The following SAMMSON variants were observed in gnomAD, a reference collection of about 807,000 sequenced individuals.
SAMMSON encodes the protein survival associated mitochondrial melanoma specific oncogenic non-coding RNA.
intron 4 of SAMMSON, among the ~76,000 whole-genome samples, chr3:70,116,362 T>G (rs1169852812): frequency 6.6e-6 from 1 of 151,526 alleles, no homozygotes; most frequent in African/African-American, 2.4e-5. Flanking sequence ...TTTATTTTGA[T>G]TTAAAATATT....
At chr3:70,169,373 T>C (rs2067652198) in intron 4 of SAMMSON, among the ~76,000 whole-genome samples, 1 of 152,068 alleles carries the variant, frequency 6.6e-6, no homozygotes, top group South Asian at 2.1e-4. Flanking sequence ...GGAGAATTTG[T>C]GGCTTACACT....
intron 2 of SAMMSON, among the ~76,000 whole-genome samples, chr3:70,418,277 T>C (rs1486888247): frequency 6.6e-6 from 1 of 152,210 alleles, no homozygotes; most frequent in African/African-American, 2.4e-5. Flanking sequence ...AAAAACTTAA[T>C]CTAGAAAACT....
chr3:70,194,800 C>T (rs1278201628), intron 4 of SAMMSON, among the ~76,000 whole-genome samples: 1 of 152,080 alleles, frequency 6.6e-6, no homozygotes, highest in Non-Finnish European at 1.5e-5. Flanking sequence ...ATGGCATGGC[C>T]TCACCAATGA....
At chr3:70,329,945 G>A (rs1702609004) in intron 7 of SAMMSON, among the ~76,000 whole-genome samples, 1 of 151,774 alleles carries the variant, frequency 6.6e-6, no homozygotes, top group Non-Finnish European at 1.5e-5. Context: ...TATTGGTATG[G>A]TAGAATTTGA....
At chr3:70,295,176 GAT>G (rs1702277614) in intron 7 of SAMMSON, among the ~76,000 whole-genome samples, 1 of 152,164 alleles carries the variant, frequency 6.6e-6, no homozygotes, top group South Asian at 2.1e-4. Flanking sequence ...ACTGCCCTGA[GAT>G]GTGTGGATTC....
Position 70,266,878 on chromosome 3 carries a change from G to A in SAMMSON, n.674+17208G>A, listed in dbSNP as rs943473030. Among the ~76,000 whole-genome samples, 7 of 152,294 alleles carry A rather than the reference G, an allele frequency of 4.6e-5. No individual in the cohort carries two copies. The South Asian group carries it at 8.3e-4, about 18-fold the overall frequency. On this transcript the variant is annotated intron_variant and non_coding_transcript_variant, in intron 6 of 9. Transcript: ENST00000642114. The stretch of plus-strand genomic sequence containing the variant: ...TTAAGGGAGAAGTTTGGAATCATTC[G>A]TCTGACACATCCACTGCCTGCCACA...
At chr3:70,175,331 G>C (rs995503857) in intron 4 of SAMMSON, among the ~76,000 whole-genome samples, 1 of 151,898 alleles carries the variant, frequency 6.6e-6, no homozygotes, top group African/African-American at 2.4e-5. Context: ...AGTCTGATTG[G>C]GTCAGTTTAG....
At chr3:70,112,861 CTT>C (rs544544082) in intron 4 of SAMMSON, among the ~76,000 whole-genome samples, 46 of 152,218 alleles carry the variant, frequency 3.0e-4, no homozygotes, top group Middle Eastern at 3.4e-3. Flanking sequence ...CTTTTTATCT[CTT>C]GAGAACCCAG....
At chr3:70,180,430 C>T (rs892377267) in intron 4 of SAMMSON, among the ~76,000 whole-genome samples, 4 of 151,890 alleles carry the variant, frequency 2.6e-5, no homozygotes, top group African/African-American at 7.3e-5. Flanking sequence ...ATATATTACA[C>T]GTATGTTGCA....
chr3:70,152,198 AC>A (rs1036675798), intron 4 of SAMMSON, among the ~76,000 whole-genome samples: 3 of 151,680 alleles, frequency 2.0e-5, no homozygotes, highest in African/African-American at 7.3e-5. Flanking sequence ...TTGAAATTGA[AC>A]ACTTGATTTG....
chr3:70,084,978 A>T (rs1298625716), intron 4 of SAMMSON: 1 of 152,224 alleles, frequency 6.6e-6, no homozygotes, highest in African/African-American at 2.4e-5. Flanking sequence ...TGGAAACAAG[A>T]TGTCTTACCT....
intron 7 of SAMMSON, among the ~76,000 whole-genome samples, chr3:70,321,865 C>A (rs1431399637): frequency 6.6e-6 from 1 of 151,886 alleles, no homozygotes; most frequent in African/African-American, 2.4e-5. Flanking sequence ...ATTTCTTACC[C>A]TCCCAAAATT....
intron 4 of SAMMSON, among the ~76,000 whole-genome samples, chr3:70,079,199 A>C (rs73105911): frequency 1.0e-3 from 156 of 152,296 alleles, no homozygotes; most frequent in Middle Eastern, 3.4e-3. Flanking sequence ...TGGTTTCTCT[A>C]TGAGTCTCTG....
intron 6 of SAMMSON, among the ~76,000 whole-genome samples, chr3:70,275,609 C>T (rs78574049): frequency 6.6e-6 from 1 of 152,190 alleles, no homozygotes; most frequent in Admixed American, 6.5e-5. Flanking sequence ...CCTTGCCACT[C>T]ATTAGCTCTG....
At chr3:70,102,583 G>A (rs1201543481) in intron 4 of SAMMSON, among the ~76,000 whole-genome samples, 1 of 152,146 alleles carries the variant, frequency 6.6e-6, no homozygotes, top group African/African-American at 2.4e-5. Flanking sequence ...TGAGCTGGGT[G>A]GCAGGGGTGA....
At chr3:70,397,964 C>A (rs1028708352) in intron 2 of SAMMSON, among the ~76,000 whole-genome samples, 1 of 152,086 alleles carries the variant, frequency 6.6e-6, no homozygotes, top group Non-Finnish European at 1.5e-5. Context: ...ATAATGTTAT[C>A]TTTTCATTTA....
intron 4 of SAMMSON, among the ~76,000 whole-genome samples, chr3:70,081,244 G>A (rs1309130860): frequency 6.6e-6 from 1 of 152,112 alleles, no homozygotes; most frequent in Non-Finnish European, 1.5e-5. Context: ...CTTCCAAGTA[G>A]CTGGGACTAC....
At chr3:70,270,363 A>G (rs1019684170) in intron 6 of SAMMSON, among the ~76,000 whole-genome samples, 1 of 152,190 alleles carries the variant, frequency 6.6e-6, no homozygotes, top group African/African-American at 2.4e-5. Context: ...CTGATCCCTA[A>G]ACTAGTATTA....
At chr3:70,338,023 G>A (rs1018428302) in intron 7 of SAMMSON, among the ~76,000 whole-genome samples, 1 of 151,438 alleles carries the variant, frequency 6.6e-6, no homozygotes, top group African/African-American at 2.4e-5. Context: ...ATAGTCATCT[G>A]TTTTTATTAT....
Sources: gnomAD v4.1 joint callset for allele counts (sites outside exome capture counted in the v4.1 genomes callset) on GRCh38, gnomAD v4.1.1 for gene constraint, MANE v1.5 for transcripts, NCBI Gene and HGNC (gene_info 2026-07-23, HGNC 2026-07-21) for gene names.